The following ACER3 variants were observed in gnomAD, a reference collection of about 807,000 sequenced individuals.
ACER3 encodes alkaline ceramidase 3, also known as alkCDase 3.
A neutral mutation model predicts 48.9 loss-of-function variants in ACER3; 16 were observed. The observed-to-expected ratio is 0.33, with a 90% confidence interval of 0.22 to 0.50. ACER3 has a LOEUF of 0.50. Ranked by LOEUF, ACER3 falls within the 20% of genes least tolerant of loss-of-function variation. The pLI is 0.98. For missense variants in ACER3, 227 were observed against 326.0 expected (o/e 0.70, Z 2.34); for synonymous variants, 109 against 107.8 (o/e 1.01, Z -0.07).
intron 7 of ACER3, among the ~76,000 whole-genome samples, chr11:77,005,707 C>CTG (rs1482780808): frequency 1.1e-4 from 16 of 151,976 alleles, no homozygotes; most frequent in African/African-American, 3.4e-4. Context: ...CCCCATGTCT[C>CTG]TGTGTCTTCA....
At chr11:76,999,823 T>G (rs1948991319) in intron 7 of ACER3, among the ~76,000 whole-genome samples, 1 of 152,178 alleles carries the variant, frequency 6.6e-6, no homozygotes, top group South Asian at 2.1e-4. Flanking sequence ...TAGTATTCCA[T>G]GGTATAGATG....
At chr11:77,005,994 T>TATATATATATACATATATATATATATA (rs1272209642) in intron 7 of ACER3, among the ~76,000 whole-genome samples, 2 of 82,148 alleles carry the variant, frequency 2.4e-5, no homozygotes, top group African/African-American at 8.1e-5. Context: ...TATATATATT[T>TATATATATATACATATATATATATATA]TTTTTTTTTT....
chr11:76,997,194 C>T (rs1282403774), intron 6 of ACER3, among the ~76,000 whole-genome samples: 1 of 152,142 alleles, frequency 6.6e-6, no homozygotes, highest in African/African-American at 2.4e-5. Context: ...TTCTCTTCCA[C>T]TTTCTTTTAA....
intron 2 of ACER3, among the ~76,000 whole-genome samples, chr11:76,927,998 A>G (rs1946876529): frequency 1.3e-5 from 2 of 152,122 alleles, no homozygotes; most frequent in African/African-American, 2.4e-5. Context: ...GCTGGGTCAA[A>G]TGGTATTTCT....
chr11:76,980,645 A>C (rs1948564290), intron 4 of ACER3, among the ~76,000 whole-genome samples: 1 of 152,004 alleles, frequency 6.6e-6, no homozygotes, highest in Non-Finnish European at 1.5e-5. Flanking sequence ...CTGCTACTGC[A>C]CTCTACCTAG....
At chr11:76,915,009 G>A (rs1590925416) in intron 1 of ACER3, among the ~76,000 whole-genome samples, 1 of 152,074 alleles carries the variant, frequency 6.6e-6, no homozygotes, top group African/African-American at 2.4e-5. Context: ...AGAACACTTG[G>A]ACACAGGGTG....
At chr11:76,887,953 G>A (rs749670192) in intron 1 of ACER3, among the ~76,000 whole-genome samples, 3 of 151,684 alleles carry the variant, frequency 2.0e-5, no homozygotes, top group African/African-American at 7.3e-5. Flanking sequence ...AAGTAGCTGG[G>A]ACTACAGGTG....
intron 1 of ACER3, among the ~76,000 whole-genome samples, chr11:76,866,229 T>C (rs1001499306): frequency 2.0e-5 from 3 of 152,240 alleles, no homozygotes; most frequent in African/African-American, 7.2e-5. Flanking sequence ...GGAATTTCAC[T>C]TCCAACATTA....
At chr11:76,919,383 T>G (rs1946626770) in intron 1 of ACER3, among the ~76,000 whole-genome samples, 1 of 152,238 alleles carries the variant, frequency 6.6e-6, no homozygotes, top group South Asian at 2.1e-4. Context: ...GTTTCTCATA[T>G]TTTTGATATT....
At chr11:76,964,557 A>AC (rs936923910) in intron 3 of ACER3, among the ~76,000 whole-genome samples, 4 of 151,046 alleles carry the variant, frequency 2.6e-5, no homozygotes, top group African/African-American at 9.9e-5. Flanking sequence ...ACTGGGAGGC[A>AC]CCCCCCAGTA....
chr11:76,937,174 C>G (rs1247147022), intron 2 of ACER3, among the ~76,000 whole-genome samples: 5 of 152,158 alleles, frequency 3.3e-5, no homozygotes, highest in Admixed American at 3.3e-4. Context: ...GAAAACTACA[C>G]TGATACATTA....
intron 2 of ACER3, among the ~76,000 whole-genome samples, chr11:76,934,337 G>T (rs1184472104): frequency 6.6e-6 from 1 of 152,200 alleles, no homozygotes; most frequent in Admixed American, 6.5e-5. Context: ...CAAGGCAGGC[G>T]GCTGGGAGGT....
intron 9 of ACER3, among the ~76,000 whole-genome samples, chr11:77,019,262 C>T (rs1351000372): frequency 9.2e-5 from 14 of 152,174 alleles, no homozygotes; most frequent in Non-Finnish European, 1.5e-4. Context: ...GGTTCGAGAC[C>T]AGCCTGACCA....
chr11:77,015,145 A>G (rs1555023046), intron 8 of ACER3, 28 bp downstream of exon 8: 3 of 1,255,356 alleles, frequency 2.4e-6, no homozygotes, highest in Admixed American at 1.9e-5. Flanking sequence ...TCCTTCAGAA[A>G]TATTTTTGGA....
At chr11:76,870,398 T>C (rs1945213365) in intron 1 of ACER3, among the ~76,000 whole-genome samples, 1 of 152,064 alleles carries the variant, frequency 6.6e-6, no homozygotes, top group Non-Finnish European at 1.5e-5. Flanking sequence ...CCTGCCAAGG[T>C]GCTGGGATTA....
chr11:76,983,564 C>T (rs1263774132), intron 4 of ACER3, among the ~76,000 whole-genome samples: 1 of 152,230 alleles, frequency 6.6e-6, no homozygotes, highest in Non-Finnish European at 1.5e-5. Context: ...ATCTTCCTGC[C>T]TCAGCCTCCC....
intron 2 of ACER3, among the ~76,000 whole-genome samples, chr11:76,956,744 GT>G (rs202192604): frequency 0.012 from 1,710 of 139,382 alleles, 12 homozygotes; most frequent in Non-Finnish European, 0.016. Flanking sequence ...TAACTTAAAG[GT>G]TTTTTTTTTC....
chr11:76,912,647 T>G (rs560767110), intron 1 of ACER3, among the ~76,000 whole-genome samples: 1 of 152,160 alleles, frequency 6.6e-6, no homozygotes, highest in Non-Finnish European at 1.5e-5. Flanking sequence ...TGGGGAATCC[T>G]GAGTCTTGGT....
intron 2 of ACER3, among the ~76,000 whole-genome samples, chr11:76,930,386 A>G (rs1247234257): frequency 6.6e-6 from 1 of 151,748 alleles, no homozygotes; most frequent in Non-Finnish European, 1.5e-5. Context: ...CTAGAGGTCT[A>G]TTAATTTTGT....
Sources: allele counts gnomAD v4.1 joint callset (sites outside exome capture counted in the v4.1 genomes callset), GRCh38; gene constraint gnomAD v4.1.1; transcripts MANE v1.5; gene names NCBI Gene and HGNC (gene_info 2026-07-23, HGNC 2026-07-21).